The following GPSM1 variants were observed in gnomAD, a reference collection of about 807,000 sequenced individuals.
The protein encoded by GPSM1 is G protein signaling modulator 1.
In GPSM1, 48 loss-of-function variants were observed where a neutral mutation model predicts 70.5. The ratio of observed to expected loss-of-function variants is 0.68; its 90% CI spans 0.54 to 0.87. GPSM1 has a LOEUF of 0.87. GPSM1 is among the 40% of genes least tolerant of loss of function. The pLI, the probability that GPSM1 is intolerant of heterozygous loss-of-function variation, is 0.00. For missense variants in GPSM1, 981 were observed against 972.6 expected, an observed-to-expected ratio of 1.01 and a Z score of -0.11; for synonymous variants, 416 against 430.1, an observed-to-expected ratio of 0.97 and a Z score of 0.41.
At position 136,341,568 on chromosome 9, in the gene GPSM1, TG is replaced by T; in HGVS notation, c.1207+577del. On this transcript the variant is annotated intron_variant, in intron 9 of 13. Coordinates refer to ENST00000440944, the MANE Select transcript of GPSM1 (RefSeq NM_001145638.3). This position sits in a 1 kb window ranked among gnomAD's most constrained non-coding sequence, Gnocchi z 6.7. ...AAAAGACTAATAGGTGCCAGGGGGG[TG>T]GTGCCAGGTTGGGCCGACTTCCTGA... is the stretch of plus-strand genomic sequence containing the variant. 1 of 1,022,498 alleles carries T rather than the reference TG, an allele frequency of 9.8e-7. No homozygotes were observed. Among genetic ancestry groups the T allele is most frequent in the Non-Finnish European group, 1.2e-6 (1 of 853,134 alleles). 63.3% of individuals were successfully genotyped at this position (1,022,498 alleles called of 1,614,324 possible).
Position 136,341,179 on chromosome 9 carries a change from C to T in GPSM1, c.1207+186C>T, listed in dbSNP as rs1242647395. The T allele has an allele frequency of 5.8e-6, 9 of 1,547,712 alleles. No homozygotes were observed. Among genetic ancestry groups the T allele is most frequent in the Non-Finnish European group, 7.9e-6 (9 of 1,145,578 alleles). ...GGCCTGAGGTTCACCCTGAGCCCTT[C>T]CCACCCGCATCCTGAGTGGCGCTGC... On this transcript the variant is annotated intron_variant, in intron 9 of 13. Transcript: ENST00000440944. This position sits in a 1 kb window ranked among gnomAD's most constrained non-coding sequence, Gnocchi z 6.7.
At chr9:136,331,675 T>A (rs1375670626) in intron 1 of GPSM1, among the ~76,000 whole-genome samples, 4 of 152,292 alleles carry the variant, frequency 2.6e-5, no homozygotes, top group Non-Finnish European at 4.4e-5. Flanking sequence ...GGATAAACGT[T>A]TGCAGAGGAG....
In GPSM1 at chr9:136,352,089, G is replaced by A. The variant is rs530394721; in HGVS notation, c.1455+2326G>A. 1.2e-3 allele frequency among the ~76,000 whole-genome samples: 174 copies of A among 150,400 alleles called. 10 individuals carry two copies. The highest frequency in any genetic ancestry group is 3.4e-3 in the Middle Eastern group (1 of 294). Reference sequence around the variant, plus strand: ...TTGCTGTTGGTGACACCAATACTGCGCCGTTGCTGTTGGTGACACCAATGC... The same window carrying A: ...TTGCTGTTGGTGACACCAATACTGCACCGTTGCTGTTGGTGACACCAATGC... On this transcript the variant is annotated intron_variant, in intron 11 of 13. Coordinates refer to ENST00000440944, the MANE Select transcript of GPSM1 (RefSeq NM_001145638.3).
At position 136,349,634 on chromosome 9, in the gene GPSM1, C is replaced by G. The variant is rs782593827; in HGVS notation, c.1326C>G (p.Ser442Arg). 6.5e-7 allele frequency: 1 copy of G among 1,549,746 alleles called. No homozygotes were observed. Among genetic ancestry groups the G allele is most frequent in the Non-Finnish European group, 8.7e-7 (1 of 1,146,608 alleles). The change falls in exon 11 of 14, where the codon AGC becomes AGG. Residue 442 changes from serine to arginine, a missense_variant. Transcript: ENST00000440944. ...SHHSGDWRGP[S>R]RDSLPLPVRS... ...ATTCAGGGGACTGGCGGGGGCCCAG[C>G]AGGGACTCGCTACCCCTCCCCGTGA...
chr9:136,348,868 C>T, intron 10 of GPSM1, 101 bp downstream of exon 10: 1 of 867,312 alleles, frequency 1.2e-6, no homozygotes, highest in Non-Finnish European at 1.8e-6. Context: ...CAGCCCCTGT[C>T]TGCTGGGAGA....
At position 136,355,802 on chromosome 9, in the gene GPSM1, G is replaced by C. The variant is rs1554772927; in HGVS notation, c.1568G>C (p.Gly523Ala). The C allele has an allele frequency of 2.5e-6, 4 of 1,611,724 alleles. No individual in the cohort carries two copies. In the South Asian group the frequency reaches 4.4e-5, roughly 18 times the overall value. The part of the protein sequence containing the change: ...QRCPLDDGQA[G>A]AAEATAAPTL... ...TGTCCCCTGGACGATGGCCAGGCCG[G>C]GGCTGCCGAGGCCACGGCCGCCCCC... The change falls in exon 12 of 14, where the codon GGG becomes GCG. Residue 523 changes from glycine to alanine, a missense_variant. Gly to Ala is a moderately conservative substitution (Grantham distance 60, BLOSUM62 0). Transcript: ENST00000440944.
intron 1 of GPSM1, among the ~76,000 whole-genome samples, chr9:136,331,371 C>T (rs1346823267): frequency 6.6e-6 from 1 of 150,858 alleles, no homozygotes; most frequent in Non-Finnish European, 1.5e-5. Context: ...TGAGCCCCCC[C>T]CCCCCGCTGC....
At position 136,358,328 on chromosome 9, in the gene GPSM1, G is replaced by T. The variant is rs1314334771; in HGVS notation, c.*108G>T. On this transcript the variant is annotated 3_prime_UTR_variant, in exon 14 of 14. Transcript: ENST00000440944. ...ATTGCCGAGGACAGGCACTGGGCAT[G>T]CAGCCCCACGGCCTCCCCGACCCAG... 3.9e-6 allele frequency: 4 copies of T among 1,038,934 alleles called. No homozygotes were observed. Among genetic ancestry groups the T allele is most frequent in the Non-Finnish European group, 5.6e-6 (4 of 715,352 alleles). The allele number at this position is 1,038,934 out of a possible 1,614,324, so 64.4% of individuals were successfully genotyped here.
intron 1 of GPSM1, among the ~76,000 whole-genome samples, chr9:136,330,009 AG>A (rs1554768315): frequency 6.9e-6 from 1 of 144,744 alleles, no homozygotes; most frequent in African/African-American, 2.6e-5. Flanking sequence ...CGGTGGGGAC[AG>A]GGCCCTGGGT....
In GPSM1 at chr9:136,327,658, G is replaced by C; in HGVS notation, c.-38G>C. Reference sequence around the variant, plus strand: ...GCAGGGGGCGGACGGCCACGGCGCGGGGGGCGCTCCCGGCTCCCGCTCCCG... The same window carrying C: ...GCAGGGGGCGGACGGCCACGGCGCGCGGGGCGCTCCCGGCTCCCGCTCCCG... On this transcript the variant is annotated 5_prime_UTR_variant, in exon 1 of 14. Coordinates refer to ENST00000440944, the MANE Select transcript of GPSM1 (RefSeq NM_001145638.3). 2.5e-6 allele frequency: 2 copies of C among 802,892 alleles called. No individual in the cohort carries two copies. Among genetic ancestry groups the C allele is most frequent in the Non-Finnish European group, 3.1e-6 (2 of 643,694 alleles). 49.7% of individuals were successfully genotyped at this position (802,892 alleles called of 1,614,324 possible).
Position 136,342,695 on chromosome 9 carries a change from C to G in GPSM1, c.1207+1702C>G, listed in dbSNP as rs1832421251. ...CCGGCGTTGCGGGTTGGGGGCGCCA[C>G]GGAAGGACCCACGCAGCCTCCCCAT... On this transcript the variant is annotated intron_variant, in intron 9 of 13. Coordinates refer to ENST00000440944, the MANE Select transcript of GPSM1 (RefSeq NM_001145638.3). This position sits in a 1 kb window ranked among gnomAD's most constrained non-coding sequence, Gnocchi z 5.5. Among the ~76,000 whole-genome samples, 1 of 152,084 alleles carries G rather than the reference C, an allele frequency of 6.6e-6. No individual in the cohort carries two copies.
chr9:136,355,778 G>C lies in GPSM1; in HGVS notation c.1544G>C (p.Cys515Ser). Reference protein sequence around the residue: ...FQSSRMDDQRCPLDDGQAGAA... With the variant: ...FQSSRMDDQRSPLDDGQAGAA... ...AGCAGCCGCATGGACGACCAGCGTTGTCCCCTGGACGATGGCCAGGCCGGG... is the reference window on the plus strand; with the variant it reads ...AGCAGCCGCATGGACGACCAGCGTTCTCCCCTGGACGATGGCCAGGCCGGG... The change falls in exon 12 of 14, where the codon TGT becomes TCT. Residue 515 changes from cysteine to serine, a missense_variant. Transcript: ENST00000440944. 1 of 1,612,210 alleles carries C rather than the reference G, an allele frequency of 6.2e-7. No individual in the cohort carries two copies. Among genetic ancestry groups the C allele is most frequent in the South Asian group, 1.1e-5 (1 of 91,062 alleles).
chr9:136,344,645 C>CA (rs1314235152), intron 9 of GPSM1, among the ~76,000 whole-genome samples: 1 of 152,216 alleles, frequency 6.6e-6, no homozygotes, highest in Non-Finnish European at 1.5e-5. Flanking sequence ...CATGATGCTC[C>CA]AGCAAAGACT....
intron 9 of GPSM1, among the ~76,000 whole-genome samples, chr9:136,346,044 G>T (rs572825122): frequency 2.0e-5 from 3 of 152,344 alleles, no homozygotes; most frequent in East Asian, 3.9e-4. Flanking sequence ...GCCCTGCCCC[G>T]GGCGTTTGTG....
In GPSM1 at chr9:136,349,672, A is replaced by G; in HGVS notation, c.1364A>G (p.Tyr455Cys). 1 of 1,554,242 alleles carries G rather than the reference A, an allele frequency of 6.4e-7. No homozygotes were observed. Among genetic ancestry groups the G allele is most frequent in the South Asian group, 1.2e-5 (1 of 84,324 alleles). The part of the protein sequence containing the change: ...SLPLPVRSRK[Y>C]QEGPDAERRP... ...CCCCTCCCCGTGAGGAGCAGGAAGT[A>G]CCAGGAAGGCCCGGACGCTGAGAGG... is the stretch of plus-strand genomic sequence containing the variant. Residue 455 changes from tyrosine to cysteine, a missense_variant, in exon 11 of 14, where the codon TAC (tyrosine) becomes TGC (cysteine). Transcript: ENST00000440944.
At chr9:136,334,128 C>G (rs772664015) in intron 1 of GPSM1, among the ~76,000 whole-genome samples, 2 of 152,216 alleles carry the variant, frequency 1.3e-5, no homozygotes, top group Non-Finnish European at 2.9e-5. Context: ...GGGGGCCACA[C>G]CCCCTGCAAC....
At chr9:136,352,171 G>A (rs74601631) in intron 11 of GPSM1, among the ~76,000 whole-genome samples, 39,516 of 63,022 alleles carry the variant, frequency 0.63, 13,364 homozygotes, top group East Asian at 0.9. Flanking sequence ...TGACACCAAT[G>A]CTGCGCCGTT....
At chr9:136,331,559 G>T (rs559400253) in intron 1 of GPSM1, among the ~76,000 whole-genome samples, 106 of 152,286 alleles carry the variant, frequency 7.0e-4, no homozygotes, top group Admixed American at 1.8e-3. Flanking sequence ...GTGCTGGGCT[G>T]GGGGCACTCA....
chr9:136,332,807 C>T (rs1015269271), intron 1 of GPSM1, among the ~76,000 whole-genome samples: 1 of 144,530 alleles, frequency 6.9e-6, no homozygotes, highest in Non-Finnish European at 1.5e-5. Context: ...TTGAGACCAG[C>T]CTGGGCAACA....
Sources: allele counts gnomAD v4.1 joint callset (sites outside exome capture counted in the v4.1 genomes callset), GRCh38; gene constraint gnomAD v4.1.1; non-coding constraint Gnocchi (gnomAD v3.1); transcripts MANE v1.5; gene names NCBI Gene and HGNC (gene_info 2026-07-23, HGNC 2026-07-21).